PLA2R1: variants seen among roughly 807,000 people sequenced by gnomAD.
PLA2R1 encodes secretory phospholipase A2 receptor.
Under a neutral mutation model 195.9 loss-of-function variants are expected in PLA2R1, and 158 were observed. That is an observed-to-expected ratio of 0.81 (90% CI 0.71 to 0.92). The LOEUF (loss-of-function observed/expected upper bound fraction) is 0.92, where lower values mean the gene tolerates loss of function less well. Among genes scored for constraint, PLA2R1 ranks in the 40% least tolerant of loss-of-function variants. PLA2R1 has a pLI of 0.00. For synonymous variants in PLA2R1, 586 were observed against 598.2 expected (o/e 0.98, Z 0.30); for missense variants, 1,626 against 1,764.6 (o/e 0.92, Z 1.41).
chr2:160,061,693 T>A (rs1358141981), intron 1 of PLA2R1, among the ~76,000 whole-genome samples: 1 of 152,134 alleles, frequency 6.6e-6, no homozygotes, highest in Non-Finnish European at 1.5e-5. Flanking sequence ...GAGGATCGCT[T>A]GACCCCGGGA....
chr2:159,980,983 G>A (rs1002833372), intron 13 of PLA2R1, among the ~76,000 whole-genome samples: 1 of 152,164 alleles, frequency 6.6e-6, no homozygotes, highest in African/African-American at 2.4e-5. Flanking sequence ...AAGGCTGGGA[G>A]AAGGTGAGAA....
intron 4 of PLA2R1, among the ~76,000 whole-genome samples, chr2:160,031,540 GCCACA>G: frequency 6.6e-6 from 1 of 152,196 alleles, no homozygotes; most frequent in East Asian, 1.9e-4. Flanking sequence ...AAATATGTAA[GCCACA>G]CCAGGAATTT....
chr2:160,058,122 A>T (rs80267655), intron 1 of PLA2R1, among the ~76,000 whole-genome samples: 1 of 152,084 alleles, frequency 6.6e-6, no homozygotes, highest in South Asian at 2.1e-4. Context: ...AAAAAAAAAA[A>T]CTACTTGCAC....
intron 9 of PLA2R1, among the ~76,000 whole-genome samples, chr2:160,013,751 G>GTCTC (rs67826871): frequency 1.0e-3 from 135 of 129,868 alleles, no homozygotes; most frequent in African/African-American, 3.4e-3. Flanking sequence ...GTGTGTGTGT[G>GTCTC]TCTCTCTCTC....
At chr2:160,021,191 T>A (rs1468822676) in intron 7 of PLA2R1, among the ~76,000 whole-genome samples, 2 of 152,056 alleles carry the variant, frequency 1.3e-5, no homozygotes, top group Non-Finnish European at 2.9e-5. Context: ...TGTAAATTAG[T>A]ACAACATTTA....
chr2:160,047,471 C>A (rs1694941134), intron 1 of PLA2R1, among the ~76,000 whole-genome samples: 1 of 152,190 alleles, frequency 6.6e-6, no homozygotes, highest in African/African-American at 2.4e-5. Context: ...ACACTGTTAG[C>A]ACAAAAGCTT....
In PLA2R1 at chr2:159,977,245, A is replaced by G. The variant is rs765931310; in HGVS notation, c.2401+39T>C. ...TTGGGAAAGTACTAGAGATTATTAG[A>G]AATCAAACATATAGCAAAGATCTTA... On this transcript the variant is annotated intron_variant, in intron 15 of 29. Coordinates refer to ENST00000283243, the MANE Select transcript of PLA2R1 (RefSeq NM_007366.5). The G allele has an allele frequency of 1.2e-5, 18 of 1,504,408 alleles. No homozygotes were observed. In the Admixed American group the frequency reaches 2.9e-4, roughly 25 times the overall value. The allele number at this position is 1,504,408 out of a possible 1,614,324, so 93.2% of individuals were successfully genotyped here.
At chr2:159,946,226 ACTC>A (rs1321831858) in intron 27 of PLA2R1, 3 of 968,714 alleles carry the variant, frequency 3.1e-6, no homozygotes, top group African/African-American at 3.5e-5. Flanking sequence ...TGATTAAAAT[ACTC>A]CTCCTCGAAA....
chr2:159,973,964 G>A (rs1018655708), intron 17 of PLA2R1, among the ~76,000 whole-genome samples: 7 of 151,828 alleles, frequency 4.6e-5, no homozygotes, highest in Admixed American at 1.3e-4. Flanking sequence ...GTGGGGTTTC[G>A]CCCTTCCCTT....
intron 6 of PLA2R1, among the ~76,000 whole-genome samples, chr2:160,023,459 T>C (rs2011546): frequency 0.83 from 125,446 of 152,030 alleles, 52,063 homozygotes; most frequent in African/African-American, 0.91. Context: ...GTTTACAAGC[T>C]GTGGCAACAT....
intron 11 of PLA2R1, among the ~76,000 whole-genome samples, chr2:159,995,697 A>G (rs1241027373): frequency 6.6e-6 from 1 of 152,084 alleles, no homozygotes; most frequent in African/African-American, 2.4e-5. Context: ...TTTATATACA[A>G]AAAAATCTAA....
intron 10 of PLA2R1, among the ~76,000 whole-genome samples, chr2:160,012,453 G>A (rs1211261253): frequency 1.3e-5 from 2 of 152,126 alleles, no homozygotes; most frequent in Non-Finnish European, 2.9e-5. Flanking sequence ...CACAGTCTCT[G>A]TGCCAGCATC....
chr2:159,959,526 G>C (rs955382957), intron 20 of PLA2R1, among the ~76,000 whole-genome samples: 1 of 152,200 alleles, frequency 6.6e-6, no homozygotes, highest in African/African-American at 2.4e-5. Flanking sequence ...TTTGCAAAAT[G>C]TGATCAAGTT....
rs1439162308 is a variant in PLA2R1, at chr2:159,938,885, C to A, written c.*2893G>T. ...CCCTTCAAGAGAAGAAATATTTAAC[C>A]CGAAAGAAGACTGTTGTAACTGTAA... On this transcript the variant is annotated 3_prime_UTR_variant, in exon 30 of 30. Transcript: ENST00000283243. 6.6e-6 allele frequency: 1 copy of A among 152,100 alleles called. No individual in the cohort carries two copies. Among genetic ancestry groups the A allele is most frequent in the Non-Finnish European group, 1.5e-5 (1 of 68,018 alleles). 9.4% of individuals were successfully genotyped at this position (152,100 alleles called of 1,614,324 possible).
At chr2:159,973,147 T>G (rs1689297241) in intron 17 of PLA2R1, among the ~76,000 whole-genome samples, 1 of 152,110 alleles carries the variant, frequency 6.6e-6, no homozygotes, top group South Asian at 2.1e-4. Flanking sequence ...CCTCTACACA[T>G]CTTGCTCCTC....
At chr2:159,964,227 A>AG (rs1186927977) in intron 20 of PLA2R1, among the ~76,000 whole-genome samples, 1 of 152,230 alleles carries the variant, frequency 6.6e-6, no homozygotes, top group Non-Finnish European at 1.5e-5. Flanking sequence ...AGAGGTTACC[A>AG]GGGGATGGGG....
At chr2:159,947,309 G>A in intron 26 of PLA2R1, 110 bp downstream of exon 26, 1 of 908,044 alleles carries the variant, frequency 1.1e-6, no homozygotes, top group Non-Finnish European at 1.7e-6. Flanking sequence ...TTTAGTTTTT[G>A]TTGCTCCTAA....
At chr2:159,946,270 A>G (rs1687384319) in intron 27 of PLA2R1, 1 of 985,022 alleles carries the variant, frequency 1.0e-6, no homozygotes, top group South Asian at 4.7e-5. Context: ...TTGGTACACC[A>G]CTGTAACAAG....
At chr2:159,984,892 T>A (rs148802486) in intron 12 of PLA2R1, among the ~76,000 whole-genome samples, 1 of 152,314 alleles carries the variant, frequency 6.6e-6, no homozygotes, top group African/African-American at 2.4e-5. Context: ...GGCTCTTACT[T>A]GCTGAGACCA....
Sources: allele counts gnomAD v4.1 joint callset (sites outside exome capture counted in the v4.1 genomes callset), GRCh38; gene constraint gnomAD v4.1.1; transcripts MANE v1.5; gene names NCBI Gene and HGNC (gene_info 2026-07-23, HGNC 2026-07-21).